The following NAV3 variants were observed in gnomAD, a reference collection of about 807,000 sequenced individuals.
NAV3 encodes the protein neuron navigator 3, also known as pore membrane and/or filament interacting like protein 1.
Under a neutral mutation model 244.7 loss-of-function variants are expected in NAV3, and 87 were observed. The ratio of observed to expected loss-of-function variants is 0.36; its 90% CI spans 0.30 to 0.42. NAV3 has a LOEUF of 0.42. Among genes scored for constraint, NAV3 ranks in the 20% least tolerant of loss-of-function variants. The pLI, the probability that NAV3 is intolerant of heterozygous loss-of-function variation, is 1.00. For missense variants in NAV3, 2,663 were observed against 2,893.3 expected (o/e 0.92, Z 1.83); for synonymous variants, 1,126 against 1,042.2 (o/e 1.08, Z -1.55).
At chr12:77,579,429 G>A (rs778103990) in intron 2 of NAV3, among the ~76,000 whole-genome samples, 5 of 152,208 alleles carry the variant, frequency 3.3e-5, no homozygotes, top group Non-Finnish European at 7.3e-5. Context: ...TCTGGATGCT[G>A]GCAAGTCCAG....
chr12:77,839,874 AC>A (rs1875323688), intron 1 of NAV3, among the ~76,000 whole-genome samples: 1 of 152,140 alleles, frequency 6.6e-6, no homozygotes, highest in Admixed American at 6.6e-5. Flanking sequence ...GTTCATCTAG[AC>A]CAGCCTGGCC....
chr12:77,958,279 C>T (rs1891557448), intron 3 of NAV3, among the ~76,000 whole-genome samples: 1 of 152,078 alleles, frequency 6.6e-6, no homozygotes, highest in Non-Finnish European at 1.5e-5. Flanking sequence ...ATTCAGTGCT[C>T]TTTAGAATAT....
exon 2 of NAV3, chr12:77,571,981 A>C (rs1157448130): frequency 6.5e-6 from 1 of 152,740 alleles, no homozygotes; most frequent in African/African-American, 2.4e-5. Context: ...TTTAAAAACG[A>C]TATGCTGATT....
intron 1 of NAV3, among the ~76,000 whole-genome samples, chr12:77,891,254 C>T (rs896158323): frequency 1.4e-5 from 2 of 147,942 alleles, no homozygotes; most frequent in East Asian, 2.0e-4. Flanking sequence ...AAGATAAATA[C>T]ATTTATAAAG....
chr12:78,203,644 A>G (rs938565505), intron 38 of NAV3, among the ~76,000 whole-genome samples: 1 of 152,024 alleles, frequency 6.6e-6, no homozygotes, highest in Non-Finnish European at 1.5e-5. Flanking sequence ...CTGAACCAAA[A>G]CAAACTATAC....
intron 2 of NAV3, among the ~76,000 whole-genome samples, chr12:77,612,656 A>G (rs1870966646): frequency 6.6e-6 from 1 of 152,110 alleles, no homozygotes; most frequent in Non-Finnish European, 1.5e-5. Flanking sequence ...ATTTTTCCCT[A>G]GCATTGCTTT....
intron 12 of NAV3, among the ~76,000 whole-genome samples, chr12:78,088,235 G>A (rs1046523495): frequency 6.6e-6 from 1 of 151,824 alleles, no homozygotes; most frequent in Admixed American, 6.6e-5. Context: ...TTAGTTGATT[G>A]TTCTGAAATG....
At chr12:78,067,648 G>C (rs1885177646) in intron 12 of NAV3, among the ~76,000 whole-genome samples, 1 of 151,924 alleles carries the variant, frequency 6.6e-6, no homozygotes, top group African/African-American at 2.4e-5. Context: ...TTTTATTCAA[G>C]AGTCTTATAT....
intron 2 of NAV3, among the ~76,000 whole-genome samples, chr12:77,604,522 T>G (rs949906939): frequency 6.6e-6 from 1 of 151,968 alleles, no homozygotes; most frequent in African/African-American, 2.4e-5. Flanking sequence ...ATATAAGTAA[T>G]TATTATTTTC....
intron 2 of NAV3, among the ~76,000 whole-genome samples, chr12:77,612,679 T>C (rs776970323): frequency 8.5e-5 from 13 of 152,152 alleles, no homozygotes; most frequent in Non-Finnish European, 1.8e-4. Flanking sequence ...TTTATAGAAT[T>C]ACAATTTTCC....
Position 77,998,469 on chromosome 12 carries a change from C to A in NAV3, c.873C>A (p.Asn291Lys). 1.9e-6 allele frequency: 3 copies of A among 1,598,334 alleles called. No homozygotes were observed. The highest frequency in any genetic ancestry group is 1.8e-5 in the Admixed American group (1 of 56,092). The change falls in exon 7 of 40, where the codon AAC (asparagine) becomes AAA (lysine). Residue 291 changes from asparagine to lysine, a missense_variant. Transcript: ENST00000397909. Reference protein sequence around the residue: ...KNKPPNYANGNEKDSSKGPQS... With the variant: ...KNKPPNYANGKEKDSSKGPQS... Reference sequence around the variant, plus strand: ...AGCCTCCAAATTATGCAAATGGAAACGAAAAAGGTAAGTGTTTGTTACATC... The same window carrying A: ...AGCCTCCAAATTATGCAAATGGAAAAGAAAAAGGTAAGTGTTTGTTACATC...
chr12:77,905,334 C>T (rs890308053), intron 1 of NAV3, among the ~76,000 whole-genome samples: 2 of 151,996 alleles, frequency 1.3e-5, no homozygotes, highest in South Asian at 2.1e-4. Flanking sequence ...ATCAGTGATT[C>T]ATTTTGTTTG....
intron 34 of NAV3, among the ~76,000 whole-genome samples, chr12:78,190,713 A>G (rs1021631301): frequency 1.3e-5 from 2 of 152,092 alleles, no homozygotes; most frequent in Admixed American, 1.3e-4. Flanking sequence ...CTTATGTCAC[A>G]TCTCCCTAAA....
chr12:77,856,167 A>G (rs1268588292), intron 1 of NAV3, among the ~76,000 whole-genome samples: 2 of 152,130 alleles, frequency 1.3e-5, no homozygotes, highest in South Asian at 2.1e-4. Context: ...CTTTTTACCA[A>G]TGGATATATA....
At chr12:77,699,336 T>C (rs1209372181) in intron 2 of NAV3, among the ~76,000 whole-genome samples, 1 of 152,166 alleles carries the variant, frequency 6.6e-6, no homozygotes, top group Admixed American at 6.6e-5. Context: ...AGTATTCTAA[T>C]ATGATTCCCC....
At chr12:77,899,583 A>G (rs1182645162) in intron 1 of NAV3, among the ~76,000 whole-genome samples, 1 of 152,266 alleles carries the variant, frequency 6.6e-6, no homozygotes, top group Non-Finnish European at 1.5e-5. Context: ...AGACTACAGT[A>G]TAGTACAAAC....
Position 77,678,111 on chromosome 12 carries a change from A to G in NAV3, c.72+105845A>G, listed in dbSNP as rs534951970. 3.9e-5 allele frequency among the ~76,000 whole-genome samples: 6 copies of G among 152,328 alleles called. No homozygotes were observed. The East Asian group carries it at 1.2e-3, about 29-fold the overall frequency. On this transcript the variant is annotated intron_variant, in intron 2 of 8. Transcript: ENST00000550042. ...CTATTTTAAGGCATTAATATTTAATATAGATTTATAAATAAATGAAGTACA... is the reference window on the plus strand; with the variant it reads ...CTATTTTAAGGCATTAATATTTAATGTAGATTTATAAATAAATGAAGTACA...
At chr12:78,193,925 C>A (rs1490660259) in intron 34 of NAV3, among the ~76,000 whole-genome samples, 1 of 152,044 alleles carries the variant, frequency 6.6e-6, no homozygotes, top group African/African-American at 2.4e-5. Context: ...TTCTGACATT[C>A]ATGTTATCAT....
At chr12:78,200,625 TA>T (rs148251715) in intron 38 of NAV3, 34 bp downstream of exon 38, 14,109 of 1,019,410 alleles carry the variant, frequency 0.014, 128 homozygotes, top group African/African-American at 0.072. Flanking sequence ...TATTTTTTTT[TA>T]AAAAAAAAAA....
Sources: gnomAD v4.1 joint callset for allele counts (sites outside exome capture counted in the v4.1 genomes callset) on GRCh38, gnomAD v4.1.1 for gene constraint, MANE v1.5 for transcripts, NCBI Gene and HGNC (gene_info 2026-07-23, HGNC 2026-07-21) for gene names.